Variants in PRKACB observed in about 807,000 individuals in gnomAD.
PRKACB encodes the protein cAMP-dependent protein kinase catalytic subunit beta.
In PRKACB, 16 loss-of-function variants were observed where a neutral mutation model predicts 51.4. That is an observed-to-expected ratio of 0.31 (90% CI 0.21 to 0.47). The LOEUF (loss-of-function observed/expected upper bound fraction) is 0.47. Among genes scored for constraint, PRKACB ranks in the 20% least tolerant of loss-of-function variants. The pLI, the probability that PRKACB is intolerant of heterozygous loss-of-function variation, is 1.00. For missense variants in PRKACB, 309 were observed against 464.5 expected (o/e 0.67, Z 3.08); for synonymous variants, 147 against 154.4 (o/e 0.95, Z 0.35).
At chr1:84,109,128 G>T (rs1650013870) in intron 1 of PRKACB, among the ~76,000 whole-genome samples, 1 of 151,918 alleles carries the variant, frequency 6.6e-6, no homozygotes, top group South Asian at 2.1e-4. Flanking sequence ...GTGTGAATAT[G>T]TCACAGTTTA....
intron 9 of PRKACB, among the ~76,000 whole-genome samples, chr1:84,226,594 G>C (rs948996935): frequency 6.6e-6 from 1 of 152,068 alleles, no homozygotes; most frequent in Non-Finnish European, 1.5e-5. Context: ...ACTAAATTCT[G>C]TTATTGATTT....
upstream of PRKACB, chr1:84,144,166 C>A (rs753724951): frequency 3.5e-5 from 39 of 1,104,336 alleles, 1 homozygote; most frequent in Non-Finnish European, 4.3e-5. Flanking sequence ...TCAACTCTAG[C>A]TGAAAAGTGT....
At chr1:84,158,857 A>T (rs1298480880) in intron 1 of PRKACB, among the ~76,000 whole-genome samples, 2 of 152,076 alleles carry the variant, frequency 1.3e-5, no homozygotes, top group African/African-American at 4.8e-5. Flanking sequence ...CAACATGTAG[A>T]TCCATTTTTT....
chr1:84,146,469 T>C (rs781403394), intron 1 of PRKACB, among the ~76,000 whole-genome samples: 2 of 151,960 alleles, frequency 1.3e-5, no homozygotes, highest in Non-Finnish European at 2.9e-5. Flanking sequence ...CCAAGGTTTA[T>C]TTTTGTGGTG....
chr1:84,183,709 A>T (rs961390279), intron 3 of PRKACB, among the ~76,000 whole-genome samples: 1 of 151,940 alleles, frequency 6.6e-6, no homozygotes, highest in South Asian at 2.1e-4. Context: ...CATAATTGAC[A>T]TAACTAATTT....
intron 8 of PRKACB, among the ~76,000 whole-genome samples, chr1:84,209,671 A>C (rs1292261988): frequency 6.6e-6 from 1 of 152,192 alleles, no homozygotes; most frequent in Admixed American, 6.5e-5. Context: ...AGACCTTACT[A>C]TGCAAAGTTT....
At chr1:84,209,116 C>A (rs543130288) in intron 8 of PRKACB, among the ~76,000 whole-genome samples, 5 of 152,292 alleles carry the variant, frequency 3.3e-5, no homozygotes, top group Admixed American at 2.6e-4. Flanking sequence ...GCTTCAGTGA[C>A]TTTGTATCAC....
rs894794192 is a variant in PRKACB at position 84,160,359 on chromosome 1, A to G, written c.187+15811A>G. ...ATAAGGTTGTTTATAGTATTCCTTT[A>G]TAATCCTTTTAATTTATCTAGCATC... On this transcript the variant is annotated intron_variant, in intron 1 of 9. Transcript: ENST00000370685. 5.9e-5 allele frequency among the ~76,000 whole-genome samples: 9 copies of G among 151,510 alleles called. 1 individual carries two copies. In the South Asian group the frequency reaches 6.2e-4, roughly 10 times the overall value.
intron 1 of PRKACB, chr1:84,173,472 A>C (rs1660203986): frequency 2.3e-6 from 2 of 876,816 alleles, no homozygotes; most frequent in Non-Finnish European, 3.5e-6. Flanking sequence ...AATTCTGTTT[A>C]CTGAAAATAT....
chr1:84,147,208 A>T (rs1440390133), intron 1 of PRKACB, among the ~76,000 whole-genome samples: 1 of 152,066 alleles, frequency 6.6e-6, no homozygotes, highest in Non-Finnish European at 1.5e-5. Context: ...TTGTAAATAC[A>T]AATCCATTTT....
At chr1:84,166,107 T>C (rs1337993964) in intron 1 of PRKACB, among the ~76,000 whole-genome samples, 1 of 151,826 alleles carries the variant, frequency 6.6e-6, no homozygotes, top group East Asian at 1.9e-4. Flanking sequence ...TATTTGTTTA[T>C]AGAATAATAT....
chr1:84,102,818 C>G (rs1429085958), intron 1 of PRKACB, among the ~76,000 whole-genome samples: 1 of 152,146 alleles, frequency 6.6e-6, no homozygotes, highest in Non-Finnish European at 1.5e-5. Flanking sequence ...GAACTACTCT[C>G]AGGACTAATC....
intron 7 of PRKACB, among the ~76,000 whole-genome samples, chr1:84,202,457 A>T (rs1397516968): frequency 6.6e-6 from 1 of 151,876 alleles, no homozygotes; most frequent in Non-Finnish European, 1.5e-5. Context: ...AAGATTTAAT[A>T]CTCTTTCCTA....
intron 1 of PRKACB, among the ~76,000 whole-genome samples, chr1:84,153,289 A>C (rs1241473633): frequency 6.6e-6 from 1 of 152,192 alleles, no homozygotes; most frequent in Non-Finnish European, 1.5e-5. Context: ...GAAAATTATT[A>C]AAATGTGACA....
intron 8 of PRKACB, chr1:84,204,971 A>G: frequency 1.0e-6 from 1 of 981,386 alleles, no homozygotes; most frequent in Non-Finnish European, 1.2e-6. Flanking sequence ...TCTAATAATC[A>G]GCATATATTC....
chr1:84,123,779 G>A (rs1012415589), intron 1 of PRKACB, among the ~76,000 whole-genome samples: 4 of 152,060 alleles, frequency 2.6e-5, no homozygotes, highest in African/African-American at 9.7e-5. Context: ...GAAACACTTA[G>A]AATGATATCT....
At chr1:84,122,463 C>G (rs894981616) in intron 1 of PRKACB, among the ~76,000 whole-genome samples, 2 of 152,076 alleles carry the variant, frequency 1.3e-5, no homozygotes, top group African/African-American at 4.8e-5. Flanking sequence ...CCATTGTAAA[C>G]AGTCAAATGT....
intron 9 of PRKACB, among the ~76,000 whole-genome samples, chr1:84,229,623 T>A (rs1246151578): frequency 2.0e-5 from 3 of 151,890 alleles, no homozygotes; most frequent in Admixed American, 1.3e-4. Flanking sequence ...TGTTTGCCAT[T>A]CTAACTGGTG....
At chr1:84,080,088 C>T (rs1410393281) in intron 1 of PRKACB, among the ~76,000 whole-genome samples, 5 of 152,112 alleles carry the variant, frequency 3.3e-5, no homozygotes, top group African/African-American at 4.8e-5. Flanking sequence ...TAATTTAAAG[C>T]TCTATTAACT....
Sources: allele counts gnomAD v4.1 joint callset (sites outside exome capture counted in the v4.1 genomes callset), GRCh38; gene constraint gnomAD v4.1.1; transcripts MANE v1.5; gene names NCBI Gene and HGNC (gene_info 2026-07-23, HGNC 2026-07-21).